IDE: variants seen among roughly 807,000 people sequenced by gnomAD.
The protein encoded by IDE is insulin degrading enzyme.
IDE carries 58 observed loss-of-function variants against 133.2 expected under a neutral mutation model. The observed-to-expected ratio is 0.44, with a 90% CI of 0.35 to 0.54. IDE has a LOEUF of 0.54. IDE is among the 20% of genes least tolerant of loss of function. The pLI, the probability that IDE is intolerant of heterozygous loss-of-function variation, is 0.00. For synonymous variants in IDE, 396 were observed against 421.3 expected (o/e 0.94, Z 0.73); for missense variants, 981 against 1,234.0 (o/e 0.79, Z 3.07).
chr10:92,466,372 A>G (rs183909112), intron 19 of IDE, among the ~76,000 whole-genome samples: 37 of 152,034 alleles, frequency 2.4e-4, no homozygotes, highest in African/African-American at 8.0e-4. Flanking sequence ...GCTGGAGTGA[A>G]GTGGTGCCAT....
chr10:92,491,021 TGAGCCCAG>T (rs1847308251), intron 11 of IDE, among the ~76,000 whole-genome samples: 1 of 152,146 alleles, frequency 6.6e-6, no homozygotes, highest in Non-Finnish European at 1.5e-5. Flanking sequence ...GATGCTCACT[TGAGCCCAG>T]GAGTTCAAGA....
intron 11 of IDE, 92 bp downstream of exon 11, chr10:92,504,702 A>C: frequency 2.8e-6 from 2 of 711,996 alleles, no homozygotes; most frequent in South Asian, 3.3e-5. Flanking sequence ...TAAAATGTTT[A>C]AAAGCATTTT....
At chr10:92,541,392 A>G (rs1842297055) in intron 1 of IDE, 1 of 460,572 alleles carries the variant, frequency 2.2e-6, no homozygotes, top group Non-Finnish European at 4.5e-6. Context: ...TACTCATAAG[A>G]TCACCTGTCT....
rs76742998 is a variant in IDE, at chr10:92,529,669, G to A, written c.661+2079C>T. Among the ~76,000 whole-genome samples, 402 of 151,880 alleles carry A rather than the reference G, an allele frequency of 2.6e-3. 1 individual carries two copies. The highest frequency in any genetic ancestry group is 9.3e-3 in the African/African-American group (385 of 41,418). ...GCAGGAAGAATACTTGAGGCCAGGC[G>A]TTCAAGACCAGCCTGGTCAACATAG... On this transcript the variant is annotated intron_variant, in intron 4 of 24. Transcript: ENST00000265986.
At chr10:92,508,228 A>G (rs202103451) in intron 7 of IDE, 23 bp from the exon 8 acceptor site, 7 of 1,574,748 alleles carry the variant, frequency 4.4e-6, no homozygotes, top group East Asian at 2.2e-5. Flanking sequence ...AAGGAAATCA[A>G]TACGATTGAT....
In IDE at chr10:92,508,201, C is replaced by G; in HGVS notation, c.1065G>C (p.Trp355Cys). 6.2e-7 allele frequency: 1 copy of G among 1,612,278 alleles called. No individual in the cohort carries two copies. The highest frequency in any genetic ancestry group is 8.5e-7 in the Non-Finnish European group (1 of 1,179,098). Residue 355 changes from tryptophan to cysteine, a missense_variant, in exon 8 of 25, where the codon TGG (tryptophan) becomes TGC (cysteine). This residue lies in a region of IDE where 660 missense variants were observed against 894.7 expected (regional missense o/e 0.74). Coordinates refer to ENST00000265986, the MANE Select transcript of IDE (RefSeq NM_004969.4). ...TCTGCCCACCAACAAGAGTATTAAC[C>G]CAGCCTGCAACATTCAAAGGAAATC... ...SLLSELKSKG[W>C]VNTLVGGQKE...
At chr10:92,468,402 A>AC (rs983345636) in intron 19 of IDE, among the ~76,000 whole-genome samples, 1 of 152,128 alleles carries the variant, frequency 6.6e-6, no homozygotes, top group Non-Finnish European at 1.5e-5. Flanking sequence ...AACATTGTAA[A>AC]CCCCAATATA....
At chr10:92,559,733 G>GTA (rs1287029298) in intron 1 of IDE, among the ~76,000 whole-genome samples, 1 of 138,086 alleles carries the variant, frequency 7.2e-6, no homozygotes, top group African/African-American at 2.7e-5. Context: ...CCCATGAATG[G>GTA]TATATTTTTT....
At chr10:92,521,356 G>A (rs749385501) in intron 4 of IDE, among the ~76,000 whole-genome samples, 16 of 151,454 alleles carry the variant, frequency 1.1e-4, no homozygotes, top group Non-Finnish European at 1.3e-4. Flanking sequence ...TAGAAATACA[G>A]AAGACAGAGG....
Position 92,508,283 on chromosome 10 carries a change from A to C in IDE, c.1061-78T>G, listed in dbSNP as rs920262079. 45 of 1,061,752 alleles carry C rather than the reference A, an allele frequency of 4.2e-5. No homozygotes were observed. The East Asian group carries it at 9.7e-4, about 23-fold the overall frequency. 65.8% of individuals were successfully genotyped at this position (1,061,752 alleles called of 1,614,324 possible). A position where few individuals can be genotyped will look rare whatever the true frequency, so the allele number is the denominator to read the frequency against. ...AAGATAAGAAAAATTTTAAAAATTC[A>C]TACTGTATGTTCCTAAGATATCAGA... On this transcript the variant is annotated intron_variant, in intron 7 of 24. Transcript: ENST00000265986.
chr10:92,481,595 T>A (rs913275736), intron 14 of IDE, among the ~76,000 whole-genome samples: 4 of 152,250 alleles, frequency 2.6e-5, no homozygotes, highest in Admixed American at 2.6e-4. Context: ...AGATACTATA[T>A]GCTTAAATAT....
At chr10:92,467,542 G>T (rs1210476997) in intron 19 of IDE, among the ~76,000 whole-genome samples, 1 of 152,144 alleles carries the variant, frequency 6.6e-6, no homozygotes, top group Admixed American at 6.6e-5. Flanking sequence ...AATTTGGGAG[G>T]GTACTTAGGA....
At chr10:92,498,145 C>T (rs1050824339) in intron 11 of IDE, among the ~76,000 whole-genome samples, 1 of 152,208 alleles carries the variant, frequency 6.6e-6, no homozygotes, top group Non-Finnish European at 1.5e-5. Flanking sequence ...TAAATGACAG[C>T]CAGTATTCAT....
At position 92,537,524 on chromosome 10, in the gene IDE, AT is replaced by A. The variant is rs752247703; in HGVS notation, c.124del (p.Met42Ter). The A allele has an allele frequency of 6.3e-7, 1 of 1,597,412 alleles. No homozygotes were observed. The highest frequency in any genetic ancestry group is 8.5e-7 in the Non-Finnish European group (1 of 1,175,748). ...CGFQKKTYSK[M>X]NNPAIKRIGN... ...TATTCTCTTGATGGCTGGATTATTC[AT>A]TTTGCTGTAAGTCTTTTTTTGGAAA... On this transcript the variant is annotated frameshift_variant, in exon 2 of 25. Coordinates refer to ENST00000265986, the MANE Select transcript of IDE (RefSeq NM_004969.4). LOFTEE classifies it high-confidence loss of function.
intron 1 of IDE, among the ~76,000 whole-genome samples, chr10:92,547,681 G>A (rs1220793165): frequency 2.0e-5 from 3 of 152,142 alleles, no homozygotes; most frequent in Non-Finnish European, 4.4e-5. Flanking sequence ...TGTACAGACA[G>A]TTCAGTTCCA....
At chr10:92,573,524 C>T (rs931009505) in intron 1 of IDE, among the ~76,000 whole-genome samples, 5 of 152,236 alleles carry the variant, frequency 3.3e-5, no homozygotes, top group Non-Finnish European at 7.3e-5. Flanking sequence ...TCCTTTACCC[C>T]ACGGCTCGAG....
intron 22 of IDE, 42 bp from the exon 23 acceptor site, chr10:92,456,473 A>G: frequency 5.4e-6 from 7 of 1,307,346 alleles, no homozygotes; most frequent in Non-Finnish European, 7.8e-6. Context: ...TGCTCCACTA[A>G]AGAACTTACA....
At position 92,556,001 on chromosome 10, in the gene IDE, G is replaced by A. The variant is rs375240885; in HGVS notation, c.98+17921C>T. On this transcript the variant is annotated intron_variant, in intron 1 of 24. Transcript: ENST00000265986. ...ATCCTGGCTAACAAGGTGAAACCCCGTCTCTACTAAAAATACAAAAAATTA... is the reference window on the plus strand; with the variant it reads ...ATCCTGGCTAACAAGGTGAAACCCCATCTCTACTAAAAATACAAAAAATTA... Among the ~76,000 whole-genome samples, 22 of 151,610 alleles carry A rather than the reference G, an allele frequency of 1.5e-4. No individual in the cohort carries two copies. The East Asian group carries it at 3.3e-3, about 23-fold the overall frequency.
At chr10:92,546,487 A>G (rs1379503408) in intron 1 of IDE, among the ~76,000 whole-genome samples, 1 of 152,244 alleles carries the variant, frequency 6.6e-6, no homozygotes, top group Admixed American at 6.5e-5. Context: ...TCCTGGAAAT[A>G]GTACCACTTG....
Sources: allele counts gnomAD v4.1 joint callset (sites outside exome capture counted in the v4.1 genomes callset), GRCh38; gene constraint gnomAD v4.1.1; regional missense constraint gnomAD v4.1.1; transcripts MANE v1.5; gene names NCBI Gene and HGNC (gene_info 2026-07-23, HGNC 2026-07-21).